The following DGKI variants were observed in gnomAD, a reference collection of about 807,000 sequenced individuals.
DGKI encodes diacylglycerol kinase iota, also known as DAG kinase iota.
In DGKI, 55 loss-of-function variants were observed where a neutral mutation model predicts 147.5. The ratio of observed to expected loss-of-function variants is 0.37; its 90% CI spans 0.30 to 0.47. The LOEUF (loss-of-function observed/expected upper bound fraction) is 0.47, where lower values mean the gene tolerates loss of function less well. DGKI is among the 20% of genes least tolerant of loss of function. The pLI, the probability that DGKI is intolerant of heterozygous loss-of-function variation, is 1.00. For missense variants in DGKI, 1,007 were observed against 1,323.8 expected (o/e 0.76, Z 3.71); for synonymous variants, 469 against 477.1 (o/e 0.98, Z 0.22).
chr7:137,668,418 C>T (rs1001692279), intron 3 of DGKI, among the ~76,000 whole-genome samples: 4 of 152,204 alleles, frequency 2.6e-5, no homozygotes, highest in East Asian at 3.8e-4. Context: ...GGAATTCAGA[C>T]GTCCTGGATT....
chr7:137,560,489 C>G (rs544934572), intron 19 of DGKI, among the ~76,000 whole-genome samples: 1 of 152,182 alleles, frequency 6.6e-6, no homozygotes, highest in African/African-American at 2.4e-5. Context: ...AAGAAAACCA[C>G]TGTGGTGGGC....
At chr7:137,560,409 T>C (rs895945610) in intron 19 of DGKI, among the ~76,000 whole-genome samples, 1 of 152,144 alleles carries the variant, frequency 6.6e-6, no homozygotes, top group African/African-American at 2.4e-5. Flanking sequence ...AAAATATTCC[T>C]AGTTCGTTGG....
At chr7:137,648,957 TAAAC>T (rs1321842133) in intron 5 of DGKI, among the ~76,000 whole-genome samples, 1 of 152,204 alleles carries the variant, frequency 6.6e-6, no homozygotes, top group Admixed American at 6.5e-5. Context: ...CATGGATTGA[TAAAC>T]TAACTTATAC....
intron 1 of DGKI, among the ~76,000 whole-genome samples, chr7:137,796,540 C>A (rs1563201763): frequency 1.3e-5 from 2 of 151,486 alleles, no homozygotes; most frequent in African/African-American, 4.8e-5. Flanking sequence ...AACTAAAGTA[C>A]ATCTTGCCTA....
At chr7:137,513,678 A>C (rs1278442675) in intron 21 of DGKI, among the ~76,000 whole-genome samples, 2 of 152,220 alleles carry the variant, frequency 1.3e-5, no homozygotes, top group Non-Finnish European at 2.9e-5. Context: ...TATACGGTAT[A>C]GCCTGTAGCT....
rs141102077 is a variant in DGKI at position 137,746,469 on chromosome 7, G to A, written c.402-56467C>T. Among the ~76,000 whole-genome samples, 487 of 152,296 alleles carry A rather than the reference G, an allele frequency of 3.2e-3. 3 individuals carry two copies. Among genetic ancestry groups the A allele is most frequent in the African/African-American group, 0.011 (469 of 41,566 alleles). On this transcript the variant is annotated intron_variant, in intron 1 of 32. Coordinates refer to ENST00000614521, the MANE Select transcript of DGKI (RefSeq NM_001321708.2). ...GTCGCATTACATATTCAGAGACAGG[G>A]AGCCAAGCCACACTGTGAAATCTCT...
chr7:137,636,330 G>T (rs939225538), intron 6 of DGKI, among the ~76,000 whole-genome samples: 4 of 152,140 alleles, frequency 2.6e-5, no homozygotes, highest in African/African-American at 9.7e-5. Flanking sequence ...ATCAGTAGCA[G>T]ATGTAAGACC....
chr7:137,566,698 TTC>T (rs1229182618), intron 19 of DGKI, among the ~76,000 whole-genome samples: 3 of 152,184 alleles, frequency 2.0e-5, no homozygotes, highest in Non-Finnish European at 4.4e-5. Flanking sequence ...CTGCGATTAT[TTC>T]TCTTTTTCCT....
intron 1 of DGKI, among the ~76,000 whole-genome samples, chr7:137,767,518 AAGAGAAGAGAAGAGTAGAGT>A (rs1046517186): frequency 2.7e-5 from 4 of 149,582 alleles, no homozygotes; most frequent in African/African-American, 1.0e-4. Context: ...AAGAGAAGAG[AAGAGAAGAGAAGAGTAGAGT>A]AGGAGGAAGA....
intron 1 of DGKI, among the ~76,000 whole-genome samples, chr7:137,740,041 T>C (rs966755457): frequency 2.0e-5 from 3 of 152,194 alleles, no homozygotes; most frequent in African/African-American, 7.2e-5. Flanking sequence ...TCTGTTGGAA[T>C]AAAGCTAGTC....
intron 1 of DGKI, among the ~76,000 whole-genome samples, chr7:137,707,491 C>A (rs1794074968): frequency 6.6e-6 from 1 of 152,138 alleles, no homozygotes; most frequent in Non-Finnish European, 1.5e-5. Flanking sequence ...GGAGGTGGGG[C>A]CTGGTGGGAG....
At chr7:137,653,465 G>C (rs1270927249) in intron 5 of DGKI, among the ~76,000 whole-genome samples, 1 of 152,166 alleles carries the variant, frequency 6.6e-6, no homozygotes, top group Admixed American at 6.5e-5. Flanking sequence ...TGGCTTACAA[G>C]GACCTTCAGG....
In DGKI at chr7:137,689,806, A is replaced by G; in HGVS notation, c.510+88T>C. The G allele has an allele frequency of 5.5e-6, 5 of 911,438 alleles. No individual in the cohort carries two copies. The South Asian group carries it at 1.1e-4, about 20-fold the overall frequency. The allele number at this position is 911,438 out of a possible 1,614,324, so 56.5% of individuals were successfully genotyped here. A position where few individuals can be genotyped will look rare whatever the true frequency, so the allele number is the denominator to read the frequency against. On this transcript the variant is annotated intron_variant, in intron 2 of 32. Coordinates refer to ENST00000614521, the MANE Select transcript of DGKI (RefSeq NM_001321708.2). Reference sequence around the variant, plus strand: ...AGGCAATGTTGAAAATTATTAAGCAAGTCTTCCTTGTAACTAGAGGAATCC... The same window carrying G: ...AGGCAATGTTGAAAATTATTAAGCAGGTCTTCCTTGTAACTAGAGGAATCC...
In DGKI at chr7:137,702,580, AT is replaced by A. The variant is rs565157986; in HGVS notation, c.402-12579del. 2.0e-5 allele frequency among the ~76,000 whole-genome samples: 3 copies of A among 152,310 alleles called. No individual in the cohort carries two copies. In the South Asian group the frequency reaches 6.2e-4, roughly 32 times the overall value. On this transcript the variant is annotated intron_variant, in intron 1 of 32. Coordinates refer to ENST00000614521, the MANE Select transcript of DGKI (RefSeq NM_001321708.2). Reference sequence around the variant, plus strand: ...TAACTAAACCTCAATAAGAACAGTGATTTTTGTGGCATTTTAAGTTGCCCTA... The same window carrying A: ...TAACTAAACCTCAATAAGAACAGTGATTTTGTGGCATTTTAAGTTGCCCTA...
chr7:137,786,942 A>T (rs1796691765), intron 1 of DGKI, among the ~76,000 whole-genome samples: 1 of 152,170 alleles, frequency 6.6e-6, no homozygotes, highest in South Asian at 2.1e-4. Context: ...ATGAAACTTG[A>T]TCCTCATCTC....
chr7:137,706,890 AT>A (rs1206893844), intron 1 of DGKI, among the ~76,000 whole-genome samples: 1 of 152,154 alleles, frequency 6.6e-6, no homozygotes, highest in African/African-American at 2.4e-5. Flanking sequence ...CTTATTTTAA[AT>A]AATTCTCTCC....
At chr7:137,783,741 C>T (rs1284940304) in intron 1 of DGKI, among the ~76,000 whole-genome samples, 1 of 152,140 alleles carries the variant, frequency 6.6e-6, no homozygotes, top group Non-Finnish European at 1.5e-5. Flanking sequence ...CAGCAGGTAA[C>T]CTATACAGAA....
chr7:137,660,336 A>T (rs1822379930), intron 3 of DGKI, among the ~76,000 whole-genome samples: 1 of 152,250 alleles, frequency 6.6e-6, no homozygotes, highest in Admixed American at 6.5e-5. Flanking sequence ...TTACTTAAAT[A>T]ACAACACAAT....
At chr7:137,728,036 A>T (rs554473477) in intron 1 of DGKI, among the ~76,000 whole-genome samples, 1 of 152,340 alleles carries the variant, frequency 6.6e-6, no homozygotes, top group African/African-American at 2.4e-5. Context: ...CAAAGAAAAA[A>T]ATGTTGAAAT....
Sources: gnomAD v4.1 joint callset for allele counts (sites outside exome capture counted in the v4.1 genomes callset) on GRCh38, gnomAD v4.1.1 for gene constraint, MANE v1.5 for transcripts, NCBI Gene and HGNC (gene_info 2026-07-23, HGNC 2026-07-21) for gene names.